Variants in ABCG1 observed in about 807,000 individuals in gnomAD.
ABCG1 encodes ATP-binding cassette sub-family G member 1.
A neutral mutation model predicts 69.2 loss-of-function variants in ABCG1; 29 were observed. The observed-to-expected ratio is 0.42, with a 90% CI of 0.31 to 0.57. The LOEUF is 0.57. Among genes scored for constraint, ABCG1 ranks in the 20% least tolerant of loss-of-function variants. The pLI is 0.15. For synonymous variants in ABCG1, 370 were observed against 374.8 expected, an observed-to-expected ratio of 0.99 and a Z score of 0.15; for missense variants, 718 against 898.1, an observed-to-expected ratio of 0.80 and a Z score of 2.56.
chr21:42,264,305 G>A (rs9984462), intron 2 of ABCG1, among the ~76,000 whole-genome samples: 2,291 of 152,334 alleles, frequency 0.015, 31 homozygotes, highest in Middle Eastern at 0.034. Flanking sequence ...AAACTCTTTA[G>A]TATTCACTTA....
chr21:42,264,443 A>G (rs1352215294), intron 2 of ABCG1, among the ~76,000 whole-genome samples: 2 of 152,008 alleles, frequency 1.3e-5, no homozygotes, highest in Non-Finnish European at 2.9e-5. Context: ...CCATCCGTCA[A>G]TCTATCCATC....
At position 42,291,228 on chromosome 21, in the gene ABCG1, C is replaced by T; in HGVS notation, c.1494+36C>T. The T allele has an allele frequency of 5.3e-6, 8 of 1,520,308 alleles. No individual in the cohort carries two copies. Among genetic ancestry groups the T allele is most frequent in the Non-Finnish European group, 7.3e-6 (8 of 1,098,112 alleles). 94.2% of individuals were successfully genotyped at this position (1,520,308 alleles called of 1,614,324 possible). On this transcript the variant is annotated intron_variant, in intron 12 of 14. Coordinates refer to ENST00000398449, the MANE Select transcript of ABCG1 (RefSeq NM_016818.3). The surrounding 1 kb of genome is among the most constrained non-coding windows in gnomAD (Gnocchi z 6.4). Reference sequence around the variant, plus strand: ...CAGGGGCTGGAATTTGAAACGGGGGCAAGAGTTCTCCTGTACACCCTTTAT... The same window carrying T: ...CAGGGGCTGGAATTTGAAACGGGGGTAAGAGTTCTCCTGTACACCCTTTAT...
chr21:42,219,423 T>A lies in ABCG1; in HGVS notation c.42+119T>A. The A allele has an allele frequency of 2.9e-6, 4 of 1,392,792 alleles. No homozygotes were observed. Among genetic ancestry groups the A allele is most frequent in the Non-Finnish European group, 3.8e-6 (4 of 1,049,662 alleles). The allele number at this position is 1,392,792 out of a possible 1,614,324, so 86.3% of individuals were successfully genotyped here. A position where few individuals can be genotyped will look rare whatever the true frequency, so the allele number is the denominator to read the frequency against. ...TCCCAGGAGCGCGTCCTCTGGGCGC[T>A]GACCCAGGGCACCCTAGAGTGGCGC... On this transcript the variant is annotated intron_variant, in intron 1 of 14. Transcript: ENST00000398449. The surrounding 1 kb of genome is among the most constrained non-coding windows in gnomAD (Gnocchi z 5.3).
chr21:42,233,301 T>C (rs144894042), intron 2 of ABCG1, among the ~76,000 whole-genome samples: 1 of 152,258 alleles, frequency 6.6e-6, no homozygotes, highest in African/African-American at 2.4e-5. Flanking sequence ...GACCTATATT[T>C]AGAGTCCAAA....
At chr21:42,266,964 A>G (rs1317975886) in intron 2 of ABCG1, among the ~76,000 whole-genome samples, 2 of 152,020 alleles carry the variant, frequency 1.3e-5, no homozygotes, top group African/African-American at 4.8e-5. Context: ...TTCCCAGAGG[A>G]GTCTGGTTGA....
At chr21:42,293,410 C>G (rs1274732995) in intron 13 of ABCG1, among the ~76,000 whole-genome samples, 1 of 148,174 alleles carries the variant, frequency 6.7e-6, no homozygotes, top group Non-Finnish European at 1.5e-5. Flanking sequence ...ACACCACGCA[C>G]TACACACATA....
At position 42,201,542 on chromosome 21, in the gene ABCG1, C is replaced by T. The variant is rs2067506282; in HGVS notation, c.-99-35C>T. On this transcript the variant is annotated intron_variant, in intron 1 of 15. Transcript: ENST00000398457. ...GCTACCCTGAGTTAATCTGAGTGAG[C>T]TTCATTCTGTCGACCTTCTTCCACT... is the stretch of plus-strand genomic sequence containing the variant. 3 of 1,397,330 alleles carry T rather than the reference C, an allele frequency of 2.1e-6. No homozygotes were observed. The East Asian group carries it at 7.9e-5, about 37-fold the overall frequency. The allele number at this position is 1,397,330 out of a possible 1,614,324, so 86.6% of individuals were successfully genotyped here.
chr21:42,252,700 G>T (rs915848693), intron 2 of ABCG1, among the ~76,000 whole-genome samples: 2 of 152,074 alleles, frequency 1.3e-5, no homozygotes, highest in African/African-American at 4.8e-5. Flanking sequence ...CACCTTCCTG[G>T]CCCGGTGACT....
chr21:42,262,003 C>T (rs989725042), intron 2 of ABCG1, among the ~76,000 whole-genome samples: 6 of 152,186 alleles, frequency 3.9e-5, no homozygotes, highest in Admixed American at 6.5e-5. Context: ...GAGAAGCAGC[C>T]GGCCCCTTTC....
chr21:42,292,075 G>A (rs537469180), intron 13 of ABCG1, among the ~76,000 whole-genome samples: 40 of 152,208 alleles, frequency 2.6e-4, no homozygotes, highest in African/African-American at 8.4e-4. Flanking sequence ...GGGTTCCCTC[G>A]GCCTCTCCAT....
chr21:42,275,547 G>A (rs1019118993), intron 4 of ABCG1, among the ~76,000 whole-genome samples: 3 of 152,178 alleles, frequency 2.0e-5, no homozygotes, highest in Non-Finnish European at 4.4e-5. Context: ...TGGGTAGCCC[G>A]AGTTTGACTT....
intron 2 of ABCG1, among the ~76,000 whole-genome samples, chr21:42,231,304 G>C (rs1051144851): frequency 1.3e-5 from 2 of 152,168 alleles, no homozygotes; most frequent in African/African-American, 4.8e-5. Context: ...GCTTTAGAGC[G>C]TTTTCTTTCC....
At chr21:42,248,041 ATAT>A (rs1342120944) in intron 2 of ABCG1, among the ~76,000 whole-genome samples, 2 of 152,216 alleles carry the variant, frequency 1.3e-5, no homozygotes, top group Non-Finnish European at 1.5e-5. Context: ...GAGGTCACTA[ATAT>A]TATACAAAAG....
At chr21:42,239,598 G>C (rs1420796119) in intron 2 of ABCG1, among the ~76,000 whole-genome samples, 11 of 152,250 alleles carry the variant, frequency 7.2e-5, no homozygotes, top group Non-Finnish European at 1.3e-4. Flanking sequence ...AGGGGCAAGG[G>C]GAGGTGTAGG....
intron 2 of ABCG1, among the ~76,000 whole-genome samples, chr21:42,267,547 CTGCTCTGGGTTCTGTCTGGGTG>C (rs2068531087): frequency 1.4e-5 from 2 of 139,526 alleles, no homozygotes; most frequent in Non-Finnish European, 3.1e-5. Flanking sequence ...CTGTCTGGGT[CTGCTCTGGGTTCTGTCTGGGTG>C]TGGTCTGGGT....
intron 1 of ABCG1, chr21:42,220,017 T>A (rs769232081): frequency 6.4e-6 from 10 of 1,553,080 alleles, no homozygotes; most frequent in Admixed American, 1.9e-5. Context: ...TGGCGGGGTG[T>A]CGGCGAGTTC....
At chr21:42,208,644 CG>C (rs541024505) in intron 2 of ABCG1, among the ~76,000 whole-genome samples, 110 of 152,272 alleles carry the variant, frequency 7.2e-4, no homozygotes, top group African/African-American at 2.5e-3. Context: ...GATCCTTTTT[CG>C]GGGCTTTATG....
intron 2 of ABCG1, among the ~76,000 whole-genome samples, chr21:42,264,136 TGG>T (rs2068461122): frequency 1.3e-5 from 2 of 152,088 alleles, no homozygotes; most frequent in African/African-American, 4.8e-5. Context: ...CTGGGGTGCC[TGG>T]TTTGGGGTTG....
At chr21:42,271,685 C>G (rs542819998) in intron 3 of ABCG1, among the ~76,000 whole-genome samples, 1 of 152,176 alleles carries the variant, frequency 6.6e-6, no homozygotes, top group African/African-American at 2.4e-5. Flanking sequence ...AGTTCTAGAC[C>G]AGCCTGGCCA....
Sources: gnomAD v4.1 joint callset for allele counts (sites outside exome capture counted in the v4.1 genomes callset) on GRCh38, gnomAD v4.1.1 for gene constraint, Gnocchi (gnomAD v3.1) non-coding constraint, MANE v1.5 for transcripts, NCBI Gene and HGNC (gene_info 2026-07-23, HGNC 2026-07-21) for gene names.